Variants in EIF4A2 observed in about 807,000 individuals in gnomAD.
EIF4A2 encodes the protein eukaryotic initiation factor 4A-II.
In EIF4A2, 9 loss-of-function variants were observed where a neutral mutation model predicts 50.6. The observed-to-expected ratio is 0.18, with a 90% CI of 0.11 to 0.31. EIF4A2 has a LOEUF of 0.31. Among genes scored for constraint, EIF4A2 ranks in the 10% least tolerant of loss-of-function variants. The pLI is 1.00. For missense variants in EIF4A2, 182 were observed against 501.8 expected (o/e 0.36, Z 6.09); for synonymous variants, 215 against 164.4 (o/e 1.31, Z -2.35).
Position 186,787,551 on chromosome 3 carries a change from G to T in EIF4A2, c.966G>T (p.Gly322=), listed in dbSNP as rs770434489. The change falls in exon 9 of 11, where the codon GGG becomes GGT. Residue 322 remains glycine, a synonymous_variant. Coordinates refer to ENST00000323963, the MANE Select transcript of EIF4A2 (RefSeq NM_001967.4). ...TTATCATGAGGGAATTCCGGTCAGG[G>T]TCAAGTCGTGTTCTGATCACTACTG... ...RDVIMREFRS[G]SSRVLITTDL... 3.7e-6 allele frequency: 6 copies of T among 1,613,868 alleles called. No homozygotes were observed. The highest frequency in any genetic ancestry group is 4.5e-5 in the East Asian group (2 of 44,900).
Position 186,789,878 on chromosome 3 carries a change from A to T in EIF4A2, c.*609A>T. The T allele has an allele frequency of 1.2e-6, 1 of 812,344 alleles. No individual in the cohort carries two copies. Among genetic ancestry groups the T allele is most frequent in the Non-Finnish European group, 2.0e-6 (1 of 506,920 alleles). The allele number at this position is 812,344 out of a possible 1,614,324, so 50.3% of individuals were successfully genotyped here. A position where few individuals can be genotyped will look rare whatever the true frequency, so the allele number is the denominator to read the frequency against. The stretch of plus-strand genomic sequence containing the variant: ...CTTAATGAAGTTTGAATGTTAAATA[A>T]ATTGTATATTCACTTTAAAGGTGCT... On this transcript the variant is annotated 3_prime_UTR_variant, in exon 11 of 11. Transcript: ENST00000323963.
At chr3:186,787,373 C>G (rs764700631) in intron 8 of EIF4A2, 109 bp downstream of exon 8, 27 of 1,609,720 alleles carry the variant, frequency 1.7e-5, no homozygotes, top group Middle Eastern at 3.3e-4. Flanking sequence ...AAAGTTGTTT[C>G]TTAACTATAC....
At position 186,784,242 on chromosome 3, in the gene EIF4A2, T is replaced by C. The variant is rs555065136; in HGVS notation, c.30-190T>C. 115 of 785,096 alleles carry C rather than the reference T, an allele frequency of 1.5e-4. No homozygotes were observed. In the African/African-American group the frequency reaches 1.8e-3, roughly 13 times the overall value. 48.6% of individuals were successfully genotyped at this position (785,096 alleles called of 1,614,324 possible). On this transcript the variant is annotated intron_variant, in intron 1 of 10. Coordinates refer to ENST00000323963, the MANE Select transcript of EIF4A2 (RefSeq NM_001967.4). ...CGCCATGCGCTCGGGCCTGGGGGGC[T>C]GCCTTTCCGGGCATCCGCAGGCCCC...
chr3:186,787,695 T>C, intron 9 of EIF4A2, 108 bp from the exon 10 acceptor site: 1 of 1,582,134 alleles, frequency 6.3e-7, no homozygotes, highest in South Asian at 1.1e-5. Context: ...AAGACCACAC[T>C]CCACAGTGGG....
rs1370847782 is a variant in EIF4A2, at chr3:186,786,041, A to G, written c.507A>G (p.Arg169=). The G allele has an allele frequency of 1.9e-6, 3 of 1,603,874 alleles. No individual in the cohort carries two copies. Among genetic ancestry groups the G allele is most frequent in the Admixed American group, 1.7e-5 (1 of 59,868 alleles). The change falls in exon 5 of 11, where the codon AGA becomes AGG. Residue 169 remains arginine (R), a synonymous_variant. Transcript: ENST00000323963. ...TPGRVFDMLN[R]RYLSPKWIKM... ...GGAGAGTGTTTGATATGTTAAACAG[A>G]AGATACCTTTGTAAGTATTGTCTTT...
intron 7 of EIF4A2, 148 bp from the exon 8 acceptor site, chr3:186,786,978 TG>T: frequency 1.6e-6 from 2 of 1,213,792 alleles, no homozygotes; most frequent in Non-Finnish European, 2.3e-6. Flanking sequence ...CTTGAAACCC[TG>T]GTCTGGTTGG....
In EIF4A2 at chr3:186,789,885, T is replaced by C. The variant is rs1722014816; in HGVS notation, c.*616T>C. ...AAGTTTGAATGTTAAATAAATTGTA[T>C]ATTCACTTTAAAGGTGCTTTTGGTC... On this transcript the variant is annotated 3_prime_UTR_variant, in exon 11 of 11. Coordinates refer to ENST00000323963, the MANE Select transcript of EIF4A2 (RefSeq NM_001967.4). The C allele has an allele frequency of 3.6e-6, 3 of 836,886 alleles. No individual in the cohort carries two copies. Among genetic ancestry groups the C allele is most frequent in the South Asian group, 1.6e-5 (1 of 62,278 alleles). The allele number at this position is 836,886 out of a possible 1,614,324, so 51.8% of individuals were successfully genotyped here.
At position 186,789,508 on chromosome 3, in the gene EIF4A2, A is replaced by AT. The variant is rs1721994307; in HGVS notation, c.*240dup. ...GGGTATAAAAGATGGGGTCTGTAAAATCTTTCTTTCTTAGAAATTTATTTC... is the reference window on the plus strand; with the variant it reads ...GGGTATAAAAGATGGGGTCTGTAAAATTCTTTCTTTCTTAGAAATTTATTTC... On this transcript the variant is annotated 3_prime_UTR_variant, in exon 11 of 11. Coordinates refer to ENST00000323963, the MANE Select transcript of EIF4A2 (RefSeq NM_001967.4). 1 of 412,742 alleles carries AT rather than the reference A, an allele frequency of 2.4e-6. No individual in the cohort carries two copies. 25.6% of individuals were successfully genotyped at this position (412,742 alleles called of 1,614,324 possible). A position where few individuals can be genotyped will look rare whatever the true frequency, so the allele number is the denominator to read the frequency against.
rs374862980 is a variant in EIF4A2 at position 186,789,314 on chromosome 3, T to C, written c.*45T>C. 5.5e-5 allele frequency: 87 copies of C among 1,576,092 alleles called. No homozygotes were observed. In the African/African-American group the frequency reaches 9.6e-4, roughly 17 times the overall value. On this transcript the variant is annotated 3_prime_UTR_variant, in exon 11 of 11. Coordinates refer to ENST00000323963, the MANE Select transcript of EIF4A2 (RefSeq NM_001967.4). The stretch of plus-strand genomic sequence containing the variant: ...GGATGCAGTGCTCGCTGTTGCTGAA[T>C]AGGCGATCACAACGTGCATTGTGCT...
intron 10 of EIF4A2, chr3:186,788,666 C>A: frequency 4.4e-6 from 1 of 229,096 alleles, no homozygotes; most frequent in Non-Finnish European, 8.7e-6. Flanking sequence ...TATTTGTTTT[C>A]CCACTGGAAA....
At chr3:186,784,056 G>T (rs1050135542) in intron 1 of EIF4A2, 63 of 429,008 alleles carry the variant, frequency 1.5e-4, no homozygotes, top group Admixed American at 4.0e-5. Context: ...TCTCCACTCG[G>T]CCACGGCGCG....
At chr3:186,786,860 C>A (rs764200759) in intron 7 of EIF4A2, 2 of 881,804 alleles carry the variant, frequency 2.3e-6, no homozygotes, top group Non-Finnish European at 3.9e-6. Flanking sequence ...TCTCATTAGA[C>A]CTAACAGAAT....
intron 1 of EIF4A2, 85 bp downstream of exon 1, chr3:186,783,724 A>C (rs1188115083): frequency 1.2e-6 from 2 of 1,602,174 alleles, no homozygotes; most frequent in Admixed American, 1.7e-5. Context: ...GGAGGCAAAA[A>C]CTCTAAATTA....
intron 6 of EIF4A2, 106 bp downstream of exon 6, chr3:186,786,379 AGCACTTGAT>A: frequency 1.3e-6 from 2 of 1,522,834 alleles, no homozygotes; most frequent in Non-Finnish European, 1.8e-6. Context: ...CCCTGCTTAA[AGCACTTGAT>A]GCATAACTCT....
intron 6 of EIF4A2, 30 bp downstream of exon 6, chr3:186,786,303 G>A (rs763935517): frequency 5.0e-6 from 8 of 1,591,546 alleles, no homozygotes; most frequent in Non-Finnish European, 5.2e-6. Context: ...CCTCTTAAAG[G>A]TAGAGATGGG....
At chr3:186,784,287 C>T (rs1248968937) in intron 1 of EIF4A2, 145 bp from the exon 2 acceptor site, 18 of 1,187,094 alleles carry the variant, frequency 1.5e-5, no homozygotes, top group Non-Finnish European at 1.7e-5. Flanking sequence ...GGAAGGCGCA[C>T]AGTGTGGATA....
At chr3:186,789,089 G>A (rs767020538) in intron 10 of EIF4A2, 36 bp from the exon 11 acceptor site, 6 of 1,604,776 alleles carry the variant, frequency 3.7e-6, no homozygotes, top group Middle Eastern at 1.7e-4. Flanking sequence ...TATACATTAT[G>A]TGAGAAGTAA....
At chr3:186,786,366 TC>T (rs34071953) in intron 6 of EIF4A2, 93 bp downstream of exon 6, 6 of 1,510,650 alleles carry the variant, frequency 4.0e-6, no homozygotes, top group Admixed American at 4.0e-5. Flanking sequence ...TTGTTGTCGT[TC>T]CCCCTGCTTA....
At position 186,785,209 on chromosome 3, in the gene EIF4A2, C is replaced by T. The variant is rs888168641; in HGVS notation, c.348+108C>T. ...TATAAATTGGTCCTACCAGATCCCTCCTTTTAATTGTCCATGCATGCAGGG... is the reference window on the plus strand; with the variant it reads ...TATAAATTGGTCCTACCAGATCCCTTCTTTTAATTGTCCATGCATGCAGGG... On this transcript the variant is annotated intron_variant, in intron 4 of 10. Coordinates refer to ENST00000323963, the MANE Select transcript of EIF4A2 (RefSeq NM_001967.4). The T allele has an allele frequency of 4.6e-5, 68 of 1,490,318 alleles. No homozygotes were observed. The Middle Eastern group carries it at 9.0e-4, about 20-fold the overall frequency. 92.3% of individuals were successfully genotyped at this position (1,490,318 alleles called of 1,614,324 possible).
Sources: allele counts gnomAD v4.1 joint callset, GRCh38; gene constraint gnomAD v4.1.1; transcripts MANE v1.5; gene names NCBI Gene and HGNC (gene_info 2026-07-23, HGNC 2026-07-21).